The following ADNP2 variants were observed in gnomAD, a reference collection of about 807,000 sequenced individuals.
ADNP2 encodes activity-dependent neuroprotector homeobox protein 2.
Under a neutral mutation model 16.4 loss-of-function variants are expected in ADNP2, and 8 were observed. The ratio of observed to expected loss-of-function variants is 0.49; its 90% CI spans 0.29 to 0.88. The LOEUF (loss-of-function observed/expected upper bound fraction) is 0.88. Ranked by LOEUF, ADNP2 falls within the 40% of genes least tolerant of loss-of-function variation. The probability of loss-of-function intolerance (pLI) is 0.09; values close to 1 mark genes in which losing one functional copy is unlikely to be tolerated. For synonymous variants in ADNP2, 637 were observed against 545.8 expected (o/e 1.17, Z -2.33); for missense variants, 1,397 against 1,395.1 (o/e 1.00, Z -0.02).
Position 80,138,458 on chromosome 18 carries a change from G to A in ADNP2, c.3045G>A (p.Val1015=). ...GTCCAGAAAAGGTGACGAGTGTTGT[G>A]CCTTTTAAAAGACAAAGGAATGAAA... ...APGPEKVTSV[V]PFKRQRNESR... Residue 1015 remains valine, a synonymous_variant, in exon 4 of 4, where the codon GTG becomes GTA. Coordinates refer to ENST00000262198, the MANE Select transcript of ADNP2 (RefSeq NM_014913.4). 2 of 1,614,098 alleles carry A rather than the reference G, an allele frequency of 1.2e-6. No homozygotes were observed. The highest frequency in any genetic ancestry group is 1.7e-6 in the Non-Finnish European group (2 of 1,180,026).
chr18:80,124,579 C>T (rs2052446046), intron 2 of ADNP2, among the ~76,000 whole-genome samples: 1 of 152,148 alleles, frequency 6.6e-6, no homozygotes, highest in Non-Finnish European at 1.5e-5. Flanking sequence ...TCCATCTATC[C>T]AGAAGACCAC....
At chr18:80,112,926 A>G (rs1368483996) in intron 1 of ADNP2, among the ~76,000 whole-genome samples, 3 of 152,226 alleles carry the variant, frequency 2.0e-5, no homozygotes, top group Non-Finnish European at 2.9e-5. Context: ...TTTGTCAGCC[A>G]GCTTTTGGAG....
chr18:80,127,631 T>A (rs529167078), intron 2 of ADNP2, among the ~76,000 whole-genome samples: 4 of 152,082 alleles, frequency 2.6e-5, no homozygotes, highest in African/African-American at 7.2e-5. Flanking sequence ...TGACTGGCAG[T>A]TTTTGACTAC....
At chr18:80,128,076 A>G (rs1298259261) in intron 2 of ADNP2, among the ~76,000 whole-genome samples, 1 of 152,244 alleles carries the variant, frequency 6.6e-6, no homozygotes, top group African/African-American at 2.4e-5. Context: ...GCTTTCTATC[A>G]GGTGATAATG....
chr18:80,137,249 T>C lies in ADNP2; in HGVS notation c.1836T>C (p.Ile612=). 1 of 1,614,156 alleles carries C rather than the reference T, an allele frequency of 6.2e-7. No individual in the cohort carries two copies. The highest frequency in any genetic ancestry group is 8.5e-7 in the Non-Finnish European group (1 of 1,180,028). ...CTACAGGGAAACAAGTGAATGGGAT[T>C]CCAACCTACACGCTGGCCCCCGTGT... ...LIPTGKQVNG[I]PTYTLAPVSV... is the part of the protein sequence containing the mutation. Residue 612 remains isoleucine (I), a synonymous_variant, in exon 4 of 4, where the codon ATT becomes ATC. Coordinates refer to ENST00000262198, the MANE Select transcript of ADNP2 (RefSeq NM_014913.4). The surrounding 1 kb of genome is among the most constrained non-coding windows in gnomAD (Gnocchi z 4.2).
At chr18:80,134,323 C>T (rs1218783458) in intron 3 of ADNP2, among the ~76,000 whole-genome samples, 1 of 151,948 alleles carries the variant, frequency 6.6e-6, no homozygotes, top group Non-Finnish European at 1.5e-5. Flanking sequence ...CACGCCACTG[C>T]ACTCCAGCCT....
chr18:80,111,360 GT>G (rs1464805748), intron 1 of ADNP2, among the ~76,000 whole-genome samples: 2 of 152,084 alleles, frequency 1.3e-5, no homozygotes, highest in South Asian at 2.1e-4. Flanking sequence ...TACTCGCCCT[GT>G]TTTACAGAAG....
At chr18:80,125,340 T>C (rs2052451030) in intron 2 of ADNP2, among the ~76,000 whole-genome samples, 1 of 151,974 alleles carries the variant, frequency 6.6e-6, no homozygotes, top group African/African-American at 2.4e-5. Context: ...ATAGCAAGAC[T>C]CTGTCTTTAA....
At chr18:80,126,612 GT>G (rs2052460719) in intron 2 of ADNP2, among the ~76,000 whole-genome samples, 1 of 152,064 alleles carries the variant, frequency 6.6e-6, no homozygotes, top group Non-Finnish European at 1.5e-5. Flanking sequence ...CCAACAATAT[GT>G]TTTCTGTCAT....
At chr18:80,128,392 C>T (rs2052474057) in intron 2 of ADNP2, among the ~76,000 whole-genome samples, 2 of 152,114 alleles carry the variant, frequency 1.3e-5, no homozygotes, top group Admixed American at 6.5e-5. Context: ...TGGCTCATAC[C>T]TGTAACCCCA....
chr18:80,114,285 C>G (rs1246334765), intron 1 of ADNP2, among the ~76,000 whole-genome samples: 1 of 151,894 alleles, frequency 6.6e-6, no homozygotes, highest in Non-Finnish European at 1.5e-5. Context: ...TTTACTACCA[C>G]CAGATGTTAG....
rs2052532073 is a variant in ADNP2 at position 80,136,176 on chromosome 18, A to G, written c.763A>G (p.Ile255Val). Residue 255 changes from isoleucine to valine, a missense_variant, in exon 4 of 4, where the codon ATT becomes GTT. By Grantham distance (29) the Ile-to-Val change is conservative (BLOSUM62 3). Coordinates refer to ENST00000262198, the MANE Select transcript of ADNP2 (RefSeq NM_014913.4). ...GCTTAGATCTGTGATTTCAGAACAT[A>G]TTAAGAGGACTGGACTCTTGAAGCA... ...NKLRSVISEH[I>V]KRTGLLKQTH... is the part of the protein sequence containing the mutation. 3 of 1,614,258 alleles carry G rather than the reference A, an allele frequency of 1.9e-6. No homozygotes were observed. The highest frequency in any genetic ancestry group is 2.2e-5 in the East Asian group (1 of 44,890).
chr18:80,116,539 C>T (rs528314336), intron 1 of ADNP2, among the ~76,000 whole-genome samples: 3 of 141,758 alleles, frequency 2.1e-5, no homozygotes, highest in East Asian at 3.9e-4. Context: ...CTTGCCAACA[C>T]GTTTCCTTTT....
chr18:80,138,718 T>TA lies in ADNP2; in HGVS notation c.3311dup (p.Asn1104LysfsTer11). ...AGAAGGTATATTTGCATGAAAGCAATAAAAAATCACAAGCCTTCTGTACTT... is the reference window on the plus strand; with the variant it reads ...AGAAGGTATATTTGCATGAAAGCAATAAAAAAATCACAAGCCTTCTGTACTT... On this transcript the variant is annotated frameshift_variant, in exon 4 of 4. Coordinates refer to ENST00000262198, the MANE Select transcript of ADNP2 (RefSeq NM_014913.4). LOFTEE classifies it high-confidence loss of function. The TA allele has an allele frequency of 6.2e-7, 1 of 1,607,824 alleles. No homozygotes were observed. The highest frequency in any genetic ancestry group is 8.5e-7 in the Non-Finnish European group (1 of 1,178,674).
At chr18:80,116,836 A>G (rs574777644) in intron 1 of ADNP2, among the ~76,000 whole-genome samples, 1 of 152,102 alleles carries the variant, frequency 6.6e-6, no homozygotes, top group Non-Finnish European at 1.5e-5. Flanking sequence ...GGGTTTCACC[A>G]TGTTGCCCTG....
chr18:80,117,278 T>TA (rs1162275306), intron 1 of ADNP2, among the ~76,000 whole-genome samples: 1 of 152,180 alleles, frequency 6.6e-6, no homozygotes, highest in African/African-American at 2.4e-5. Flanking sequence ...TGTTTATGCT[T>TA]ACGTTTTCTT....
intron 1 of ADNP2, among the ~76,000 whole-genome samples, chr18:80,112,214 C>T (rs1312731121): frequency 1.3e-5 from 2 of 152,022 alleles, no homozygotes; most frequent in African/African-American, 4.8e-5. Flanking sequence ...ATCCACTGGG[C>T]ATTTTACATG....
rs1168360999 is a variant in ADNP2, at chr18:80,135,649, A to T, written c.236A>T (p.Lys79Ile). Reference sequence around the variant, plus strand: ...AAGCCATACTGTTGTGGCCTCTGTAAATACTCTACAAAGGTGCTTACTTCA... The same window carrying T: ...AAGCCATACTGTTGTGGCCTCTGTATATACTCTACAAAGGTGCTTACTTCA... ...RTKPYCCGLC[K>I]YSTKVLTSFK... The change falls in exon 4 of 4, where the codon AAA (lysine) becomes ATA (isoleucine). Residue 79 changes from lysine to isoleucine, a missense_variant. By Grantham distance (102) the Lys-to-Ile change is moderately radical. Transcript: ENST00000262198. The T allele has an allele frequency of 6.2e-7, 1 of 1,614,220 alleles. No individual in the cohort carries two copies. The highest frequency in any genetic ancestry group is 2.2e-5 in the East Asian group (1 of 44,890).
Position 80,136,784 on chromosome 18 carries a change from A to G in ADNP2, c.1371A>G (p.Ala457=). ...GVLPAGQMTP[A]GQMTPAGVIP... is the part of the protein sequence containing the mutation. ...TTCCTGCAGGCCAGATGACTCCTGC[A>G]GGCCAGATGACTCCTGCAGGGGTTA... The change falls in exon 4 of 4, where the codon GCA becomes GCG. Residue 457 remains alanine, a synonymous_variant. Transcript: ENST00000262198. 2 of 1,613,470 alleles carry G rather than the reference A, an allele frequency of 1.2e-6. No individual in the cohort carries two copies. The highest frequency in any genetic ancestry group is 1.7e-6 in the Non-Finnish European group (2 of 1,179,776).
Sources: gnomAD v4.1 joint callset for allele counts (sites outside exome capture counted in the v4.1 genomes callset) on GRCh38, gnomAD v4.1.1 for gene constraint, Gnocchi (gnomAD v3.1) non-coding constraint, MANE v1.5 for transcripts, NCBI Gene and HGNC (gene_info 2026-07-23, HGNC 2026-07-21) for gene names.